The following FRMPD4 variants were observed in gnomAD, a reference collection of about 807,000 sequenced individuals.
FRMPD4 encodes the protein FERM and PDZ domain-containing protein 4.
In FRMPD4, 22 loss-of-function variants were observed where a neutral mutation model predicts 94.1. The observed-to-expected ratio is 0.23, with a 90% CI of 0.17 to 0.33. FRMPD4 has a LOEUF of 0.33. FRMPD4 is among the 10% of genes least tolerant of loss of function. The pLI is 1.00. For synonymous variants in FRMPD4, 631 were observed against 548.6 expected (o/e 1.15, Z -2.10); for missense variants, 1,111 against 1,339.9 (o/e 0.83, Z 2.67).
chrX:12,263,802 AT>A (rs1401306057), intron 1 of FRMPD4, among the ~76,000 whole-genome samples: 416 of 110,050 alleles, frequency 3.8e-3, no homozygotes, highest in African/African-American at 0.013. Context: ...AAAAAAAAAA[AT>A]TTTTCACAGC....
intron 2 of FRMPD4, among the ~76,000 whole-genome samples, chrX:12,584,544 G>C: frequency 9.0e-6 from 1 of 111,508 alleles, no homozygotes; most frequent in East Asian, 2.8e-4. Context: ...CACATATTAT[G>C]AATTACAAAG....
rs1380473612 is a variant in FRMPD4 at position 12,721,735 on chromosome X, C to A, written c.5166C>A (p.Ala1722=). 2.7e-6 allele frequency: 2 copies of A among 752,854 alleles called. No individual in the cohort carries two copies. The highest frequency in any genetic ancestry group is 4.7e-5 in the African/African-American group (2 of 42,941). The allele number at this position is 752,854 out of a possible 1,213,427, so 62.0% of individuals were successfully genotyped here. Reference sequence around the variant, plus strand: ...ATTACATTTGTCTACTGAAAGCTGCCGAAGCAGCCACTGGAAAGAACCCTG... The same window carrying A: ...ATTACATTTGTCTACTGAAAGCTGCAGAAGCAGCCACTGGAAAGAACCCTG... ...VINYICLLKA[A]EAATGKNPGD... The change falls in exon 17 of 17, where the codon GCC becomes GCA. Residue 1722 remains alanine, a synonymous_variant. Coordinates refer to ENST00000675598, the MANE Select transcript of FRMPD4 (RefSeq NM_001368397.1).
chrX:12,093,611 A>G, intron 3 of FRMPD4, among the ~76,000 whole-genome samples: 1 of 110,735 alleles, frequency 9.0e-6, no homozygotes, highest in Non-Finnish European at 1.9e-5. Flanking sequence ...ACAAAAAAAA[A>G]AAAAAAAGTC....
chrX:12,681,516 A>G (rs745491922), intron 5 of FRMPD4, among the ~76,000 whole-genome samples: 2 of 111,419 alleles, frequency 1.8e-5, no homozygotes, highest in South Asian at 7.6e-4. Context: ...TTTTTTAAAG[A>G]CGGCAGCCAT....
intron 1 of FRMPD4, among the ~76,000 whole-genome samples, chrX:12,497,347 T>C (rs916107309): frequency 5.4e-5 from 6 of 111,084 alleles, no homozygotes; most frequent in Non-Finnish European, 5.7e-5. Flanking sequence ...TCAAATGCAT[T>C]CTCTACTAGC....
intron 1 of FRMPD4, among the ~76,000 whole-genome samples, chrX:12,168,751 G>T (rs1349291257): frequency 9.4e-6 from 1 of 106,276 alleles, no homozygotes; most frequent in Non-Finnish European, 1.9e-5. Flanking sequence ...TCAGCCTCCT[G>T]AGTAGCTGGG....
At chrX:12,359,528 C>T (rs963978501) in intron 1 of FRMPD4, among the ~76,000 whole-genome samples, 12 of 104,997 alleles carry the variant, frequency 1.1e-4, no homozygotes, top group African/African-American at 3.5e-4. Flanking sequence ...AGTATAGTGG[C>T]GCAGTCTTGG....
chrX:12,022,091 C>T (rs916380211), intron 3 of FRMPD4, among the ~76,000 whole-genome samples: 10 of 112,403 alleles, frequency 8.9e-5, no homozygotes, highest in Non-Finnish European at 1.7e-4. Context: ...CATGAGTTCT[C>T]AGCCAGAAAT....
At chrX:12,204,549 T>G (rs910275844) in intron 1 of FRMPD4, among the ~76,000 whole-genome samples, 2 of 111,466 alleles carry the variant, frequency 1.8e-5, no homozygotes, top group African/African-American at 6.5e-5. Context: ...TTAACAACTC[T>G]TTGGGTTTGT....
intron 4 of FRMPD4, among the ~76,000 whole-genome samples, chrX:12,633,236 G>C (rs933703773): frequency 1.3e-4 from 15 of 112,276 alleles, no homozygotes; most frequent in Non-Finnish European, 9.4e-5. Flanking sequence ...CTCTGGGTGA[G>C]AGGAAGTGAA....
intron 1 of FRMPD4, among the ~76,000 whole-genome samples, chrX:12,444,826 T>A (rs781528003): frequency 7.1e-5 from 8 of 112,087 alleles, no homozygotes; most frequent in African/African-American, 2.6e-4. Flanking sequence ...ATTAATCTAT[T>A]CATGACCAAA....
intron 3 of FRMPD4, among the ~76,000 whole-genome samples, chrX:12,092,587 T>C (rs1450019768): frequency 1.8e-5 from 2 of 111,721 alleles, no homozygotes; most frequent in African/African-American, 6.5e-5. Context: ...TGGAGGAGGC[T>C]ATGAATATGA....
intron 1 of FRMPD4, among the ~76,000 whole-genome samples, chrX:12,451,533 G>A (rs779201594): frequency 8.9e-6 from 1 of 111,979 alleles, no homozygotes; most frequent in East Asian, 2.8e-4. Context: ...ACCTATTTCT[G>A]TGTATATAAA....
At position 11,878,025 on chromosome X, in the gene FRMPD4, A is replaced by G. The variant is rs1333358798; in HGVS notation, c.95+7A>G. 1.8e-5 allele frequency among the ~76,000 whole-genome samples: 2 copies of G among 111,853 alleles called. No individual in the cohort carries two copies. The highest frequency in any genetic ancestry group is 3.8e-5 in the Non-Finnish European group (2 of 53,181). On this transcript the variant is annotated splice_region_variant and intron_variant, in intron 3 of 18. Coordinates refer to the FRMPD4 transcript ENST00000640291. ...AAGGAGAACATATTTGCCAGTGAGT[A>G]ATGGTCTTCAAGGAAAAAATATCAG...
rs781356046 is a variant in FRMPD4, at chrX:12,069,820, C to T, written c.95+191802C>T. ...GAGGAGCAGGGAGAGATTAGCATAT[C>T]AAATATGCAAATGAGATGACAAAGA... On this transcript the variant is annotated intron_variant, in intron 3 of 18. Transcript: ENST00000640291. Among the ~76,000 whole-genome samples, 4 of 110,526 alleles carry T rather than the reference C, an allele frequency of 3.6e-5. No individual in the cohort carries two copies. The East Asian group carries it at 1.2e-3, about 33-fold the overall frequency.
chrX:12,600,376 A>G (rs1335639530), intron 2 of FRMPD4, among the ~76,000 whole-genome samples: 2 of 112,280 alleles, frequency 1.8e-5, no homozygotes, highest in Non-Finnish European at 3.8e-5. Context: ...GAAATGCTTC[A>G]TTTGGAAGAT....
At position 12,350,404 on chromosome X, in the gene FRMPD4, T is replaced by A. The variant is rs979121191; in HGVS notation, c.42-148276T>A. Among the ~76,000 whole-genome samples, 48 of 111,715 alleles carry A rather than the reference T, an allele frequency of 4.3e-4. 3 individuals are homozygous for A. Among genetic ancestry groups the A allele is most frequent in the Admixed American group, 3.8e-3 (40 of 10,526 alleles). On this transcript the variant is annotated intron_variant, in intron 1 of 16. Transcript: ENST00000675598. ...TCTTAAGTGCAAAACTTCTGGCCTG[T>A]TTTCTTGGCCAGATTTCAGAAGATA...
chrX:11,873,080 C>T (rs756582782), intron 2 of FRMPD4, among the ~76,000 whole-genome samples: 18 of 111,849 alleles, frequency 1.6e-4, no homozygotes, highest in African/African-American at 5.8e-4. Context: ...AATATTTTCT[C>T]TACACTCCCC....
At chrX:12,113,394 C>A (rs904827983) in intron 3 of FRMPD4, among the ~76,000 whole-genome samples, 2 of 111,880 alleles carry the variant, frequency 1.8e-5, no homozygotes, top group African/African-American at 6.5e-5. Context: ...CTAAACTGAT[C>A]TGCAGGGCTG....
Sources: allele counts gnomAD v4.1 joint callset (sites outside exome capture counted in the v4.1 genomes callset), GRCh38; gene constraint gnomAD v4.1.1; transcripts MANE v1.5; gene names NCBI Gene and HGNC (gene_info 2026-07-23, HGNC 2026-07-21).